Variants in LINGO1 observed in about 807,000 individuals in gnomAD.
The protein encoded by LINGO1 is leucine-rich repeat and immunoglobulin-like domain-containing nogo receptor-interacting protein 1.
In LINGO1, 11 loss-of-function variants were observed where a neutral mutation model predicts 37.3. The ratio of observed to expected loss-of-function variants is 0.29; its 90% CI spans 0.19 to 0.49. The LOEUF is 0.49. Among genes scored for constraint, LINGO1 ranks in the 20% least tolerant of loss-of-function variants. The probability of loss-of-function intolerance (pLI) is 0.99; values close to 1 mark genes in which losing one functional copy is unlikely to be tolerated. For missense variants in LINGO1, 585 were observed against 878.2 expected, an observed-to-expected ratio of 0.67 and a Z score of 4.22; for synonymous variants, 387 against 403.0, an observed-to-expected ratio of 0.96 and a Z score of 0.48.
chr15:77,793,151 G>T (rs2076831343), intron 2 of LINGO1, among the ~76,000 whole-genome samples: 1 of 152,134 alleles, frequency 6.6e-6, no homozygotes, highest in Non-Finnish European at 1.5e-5. Flanking sequence ...ATTCAGAGTT[G>T]GTGCCTGCAT....
chr15:77,750,289 TAAG>T (rs2076357919), intron 1 of LINGO1, among the ~76,000 whole-genome samples: 1 of 152,196 alleles, frequency 6.6e-6, no homozygotes, highest in East Asian at 1.9e-4. Context: ...AGCAAATGAG[TAAG>T]AAGAATAGCA....
At chr15:77,744,955 TA>T (rs34589855) in intron 1 of LINGO1, among the ~76,000 whole-genome samples, 409 of 141,528 alleles carry the variant, frequency 2.9e-3, no homozygotes, top group Admixed American at 3.2e-3. Flanking sequence ...ATCTCTACTT[TA>T]AAAAAAAAAA....
chr15:77,819,762 C>T (rs962951510), intron 1 of LINGO1, among the ~76,000 whole-genome samples: 1 of 151,222 alleles, frequency 6.6e-6, no homozygotes, highest in East Asian at 2.0e-4. Context: ...CGGCCCGGCT[C>T]CCGCACCCTG....
intron 3 of LINGO1, among the ~76,000 whole-genome samples, chr15:77,661,075 T>C (rs545721711): frequency 9.2e-5 from 14 of 152,142 alleles, no homozygotes; most frequent in African/African-American, 3.1e-4. Flanking sequence ...ATTGCAATGC[T>C]GGGCAAAGGC....
intron 2 of LINGO1, among the ~76,000 whole-genome samples, chr15:77,708,229 C>G (rs534060634): frequency 1.4e-4 from 21 of 152,240 alleles, no homozygotes; most frequent in African/African-American, 5.1e-4. Flanking sequence ...GCAAGAAGAG[C>G]AGGAGGGTGG....
intron 3 of LINGO1, among the ~76,000 whole-genome samples, chr15:77,642,693 C>T (rs558815576): frequency 1.3e-5 from 2 of 152,320 alleles, no homozygotes; most frequent in Admixed American, 1.3e-4. Flanking sequence ...AGGCTGGGAC[C>T]GGCACTTGGG....
intron 3 of LINGO1, chr15:77,651,572 C>T (rs889991169): frequency 3.9e-5 from 6 of 152,194 alleles, no homozygotes; most frequent in East Asian, 1.9e-4. Context: ...GAAGGCACTA[C>T]GTTGGATCTA....
At position 77,630,093 on chromosome 15, in the gene LINGO1, G is replaced by A. The variant is rs149086240; in HGVS notation, c.6+2217C>T. 2.6e-3 allele frequency among the ~76,000 whole-genome samples: 391 copies of A among 152,116 alleles called. 2 individuals carry two copies. The highest frequency in any genetic ancestry group is 3.7e-3 in the Non-Finnish European group (254 of 67,984). On this transcript the variant is annotated intron_variant, in intron 1 of 1. Transcript: ENST00000355300. ...GGCTGGAAGGCCACTTCCACAGAGT[G>A]CCACACACAGGACAGCTAGCCCAAG... is the stretch of plus-strand genomic sequence containing the variant.
intron 1 of LINGO1, among the ~76,000 whole-genome samples, chr15:77,621,440 G>C (rs2073915291): frequency 6.6e-6 from 1 of 152,232 alleles, no homozygotes; most frequent in South Asian, 2.1e-4. Context: ...AAAAACAGAG[G>C]CTCTGAAAGA....
intron 2 of LINGO1, among the ~76,000 whole-genome samples, chr15:77,685,695 A>AAG: frequency 6.6e-6 from 1 of 151,588 alleles, no homozygotes; most frequent in African/African-American, 2.4e-5. Context: ...CCGTCTTAAA[A>AAG]AAAAAAAAAA....
At chr15:77,640,768 G>A (rs1207090464) in intron 3 of LINGO1, among the ~76,000 whole-genome samples, 2 of 152,190 alleles carry the variant, frequency 1.3e-5, no homozygotes, top group Non-Finnish European at 1.5e-5. Flanking sequence ...GGGTGAAGGC[G>A]AATGCTTCAG....
At chr15:77,735,851 C>T (rs950145074) in intron 1 of LINGO1, among the ~76,000 whole-genome samples, 2 of 152,194 alleles carry the variant, frequency 1.3e-5, no homozygotes, top group Admixed American at 6.5e-5. Flanking sequence ...TGGGAGACCA[C>T]TCATACACAC....
intron 1 of LINGO1, among the ~76,000 whole-genome samples, chr15:77,810,131 C>T (rs1050091393): frequency 2.0e-5 from 3 of 152,048 alleles, no homozygotes; most frequent in African/African-American, 7.2e-5. Flanking sequence ...GTCTCAGTCC[C>T]AGATGGCTGA....
chr15:77,719,326 G>T (rs1184882418), intron 2 of LINGO1, among the ~76,000 whole-genome samples: 1 of 149,992 alleles, frequency 6.7e-6, no homozygotes, highest in Non-Finnish European at 1.5e-5. Context: ...CTTCTACTCG[G>T]GGCTTCTGGG....
In LINGO1 at chr15:77,680,960, CA is replaced by C. The variant is rs367614809; in HGVS notation, c.-98-3787del. 5.1e-3 allele frequency among the ~76,000 whole-genome samples: 776 copies of C among 152,290 alleles called. 5 individuals carry two copies. The highest frequency in any genetic ancestry group is 0.018 in the African/African-American group (747 of 41,552). On this transcript the variant is annotated intron_variant, in intron 2 of 3. Coordinates refer to the LINGO1 transcript ENST00000559893. The stretch of plus-strand genomic sequence containing the variant: ...GAGAAGATGCTACCCCTTAAGGTAA[CA>C]GGGGCACTAGCAGGCGACCCAAGGG...
At chr15:77,677,736 C>T (rs539146116) in intron 2 of LINGO1, among the ~76,000 whole-genome samples, 218 of 152,218 alleles carry the variant, frequency 1.4e-3, no homozygotes, top group South Asian at 6.8e-3. Flanking sequence ...AGTGACACCC[C>T]GATCCACCCT....
chr15:77,759,880 C>T (rs2076457183), intron 1 of LINGO1, among the ~76,000 whole-genome samples: 1 of 152,242 alleles, frequency 6.6e-6, no homozygotes, highest in Admixed American at 6.5e-5. Context: ...GCGCTCTGCC[C>T]TGGCCACGGC....
At chr15:77,765,468 T>C (rs1295861343) in intron 1 of LINGO1, among the ~76,000 whole-genome samples, 1 of 150,530 alleles carries the variant, frequency 6.6e-6, no homozygotes, top group Non-Finnish European at 1.5e-5. Flanking sequence ...CCCTCTCCTA[T>C]TAACTGGTAG....
chr15:77,746,929 C>T (rs967357774), intron 1 of LINGO1, among the ~76,000 whole-genome samples: 1 of 152,122 alleles, frequency 6.6e-6, no homozygotes, highest in African/African-American at 2.4e-5. Flanking sequence ...GATTAGCTGG[C>T]CCAGACCAAA....
Sources: allele counts gnomAD v4.1 joint callset (sites outside exome capture counted in the v4.1 genomes callset), GRCh38; gene constraint gnomAD v4.1.1; transcripts MANE v1.5; gene names NCBI Gene and HGNC (gene_info 2026-07-23, HGNC 2026-07-21).